The following EPM2A variants were observed in gnomAD, a reference collection of about 807,000 sequenced individuals.
EPM2A encodes laforin.
EPM2A carries 21 observed loss-of-function variants against 26.5 expected under a neutral mutation model. The ratio of observed to expected loss-of-function variants is 0.79; its 90% CI spans 0.56 to 1.14. The LOEUF (loss-of-function observed/expected upper bound fraction) is 1.14. Ranked by LOEUF, EPM2A falls within the 50% of genes most tolerant of loss-of-function variation. The pLI, the probability that EPM2A is intolerant of heterozygous loss-of-function variation, is 0.00. For missense variants in EPM2A, 458 were observed against 440.8 expected (o/e 1.04, Z -0.35); for synonymous variants, 217 against 177.6 (o/e 1.22, Z -1.76).
intron 2 of EPM2A, among the ~76,000 whole-genome samples, chr6:145,512,284 T>A (rs1368013954): frequency 1.3e-5 from 2 of 152,128 alleles, no homozygotes; most frequent in Admixed American, 1.3e-4. Context: ...ATAGCCTGAA[T>A]TGCCAAAGTA....
chr6:145,575,904 G>A (rs1226142795), intron 2 of EPM2A, among the ~76,000 whole-genome samples: 1 of 152,164 alleles, frequency 6.6e-6, no homozygotes, highest in Admixed American at 6.5e-5. Context: ...ATAGTAGTCA[G>A]TGTCCTCTAG....
chr6:145,676,383 A>G (rs1275373717), intron 2 of EPM2A, among the ~76,000 whole-genome samples: 2 of 152,202 alleles, frequency 1.3e-5, no homozygotes, highest in African/African-American at 4.8e-5. Flanking sequence ...AGCAAGAGCA[A>G]ACAAATTCAA....
intron 4 of EPM2A, among the ~76,000 whole-genome samples, chr6:145,414,640 T>A (rs1331321875): frequency 6.6e-6 from 1 of 151,938 alleles, no homozygotes; most frequent in East Asian, 2.0e-4. Flanking sequence ...AGGCAGAGAG[T>A]CCTGTGTTAA....
At chr6:145,397,891 A>C (rs1419616271) in intron 4 of EPM2A, among the ~76,000 whole-genome samples, 3 of 152,164 alleles carry the variant, frequency 2.0e-5, no homozygotes, top group Non-Finnish European at 2.9e-5. Flanking sequence ...GCCCAAGGAA[A>C]GACAACCACA....
At chr6:145,434,816 T>A (rs1778967872) in intron 4 of EPM2A, among the ~76,000 whole-genome samples, 1 of 152,130 alleles carries the variant, frequency 6.6e-6, no homozygotes, top group Non-Finnish European at 1.5e-5. Flanking sequence ...CAGTTTGGGA[T>A]TTTTCCCCTC....
At chr6:145,545,086 C>T (rs1296683604) in intron 2 of EPM2A, among the ~76,000 whole-genome samples, 1 of 152,160 alleles carries the variant, frequency 6.6e-6, no homozygotes, top group Non-Finnish European at 1.5e-5. Flanking sequence ...GAAGTCTATG[C>T]AGTTCTTTCT....
chr6:145,704,393 TATAA>T (rs1782100059), intron 1 of EPM2A, among the ~76,000 whole-genome samples: 1 of 152,184 alleles, frequency 6.6e-6, no homozygotes, highest in Admixed American at 6.5e-5. Context: ...GGAAACAGAA[TATAA>T]ATAAAGTATT....
At position 145,697,229 on chromosome 6, in the gene EPM2A, G is replaced by A. The variant is rs184819432; in HGVS notation, c.302-10933C>T. Among the ~76,000 whole-genome samples the A allele has an allele frequency of 1.2e-4, 18 of 152,168 alleles. No individual in the cohort carries two copies. In the East Asian group the frequency reaches 2.5e-3, roughly 21 times the overall value. On this transcript the variant is annotated intron_variant, in intron 1 of 3. Coordinates refer to ENST00000367519, the MANE Select transcript of EPM2A (RefSeq NM_005670.4). ...GTGTATGGGGGAGACATCACATGTC[G>A]GCAGGTTCCGTGATGCCCCCGGAGC...
chr6:145,502,611 A>C (rs1779907592), intron 2 of EPM2A: 1 of 470,548 alleles, frequency 2.1e-6, no homozygotes, highest in African/African-American at 2.0e-5. Context: ...AGCTTATTAA[A>C]ACCTGGCACA....
intron 2 of EPM2A, among the ~76,000 whole-genome samples, chr6:145,515,336 A>G (rs1315270207): frequency 2.0e-5 from 3 of 152,190 alleles, no homozygotes; most frequent in Non-Finnish European, 2.9e-5. Context: ...TGTGTAAACC[A>G]AAATTTCTAG....
chr6:145,464,651 A>G (rs1379451125), intron 4 of EPM2A, among the ~76,000 whole-genome samples: 1 of 152,054 alleles, frequency 6.6e-6, no homozygotes, highest in Non-Finnish European at 1.5e-5. Context: ...GAATTGTGGT[A>G]AATAATCTTT....
At chr6:145,428,001 T>C (rs933842120) in intron 4 of EPM2A, among the ~76,000 whole-genome samples, 3 of 151,690 alleles carry the variant, frequency 2.0e-5, no homozygotes, top group Admixed American at 1.3e-4. Context: ...TGGATATTTA[T>C]AATTATTTGT....
intron 4 of EPM2A, among the ~76,000 whole-genome samples, chr6:145,426,733 T>G (rs778776621): frequency 3.7e-4 from 57 of 152,212 alleles, no homozygotes; most frequent in Non-Finnish European, 6.8e-4. Context: ...AAATGAAATT[T>G]AATTTTTAAA....
chr6:145,538,921 A>G (rs1413368914), intron 2 of EPM2A, among the ~76,000 whole-genome samples: 1 of 152,236 alleles, frequency 6.6e-6, no homozygotes, highest in Non-Finnish European at 1.5e-5. Flanking sequence ...TACATTGCAC[A>G]GCTTTTGTTC....
chr6:145,542,051 G>A lies in EPM2A; in HGVS notation c.341-39476C>T, dbSNP rs542503488. Among the ~76,000 whole-genome samples, 4 of 151,784 alleles carry A rather than the reference G, an allele frequency of 2.6e-5. No individual in the cohort carries two copies. In the East Asian group the frequency reaches 5.8e-4, roughly 22 times the overall value. ...ATTGGAGACCAATGTGCAATTAGTAGAAAACATTATCAGACTACAATATAA... is the reference window on the plus strand; with the variant it reads ...ATTGGAGACCAATGTGCAATTAGTAAAAAACATTATCAGACTACAATATAA... On this transcript the variant is annotated intron_variant, in intron 2 of 3. Transcript: ENST00000450221.
chr6:145,625,764 G>A lies in EPM2A; in HGVS notation c.*1652C>T. 8.2e-7 allele frequency: 1 copy of A among 1,212,518 alleles called. No homozygotes were observed. The allele number at this position is 1,212,518 out of a possible 1,614,324, so 75.1% of individuals were successfully genotyped here. ...AATGTCATCTCCCCTAAGTGCCACAGTTCTATCTCCCCGTCCTCTGAGCTC... is the reference window on the plus strand; with the variant it reads ...AATGTCATCTCCCCTAAGTGCCACAATTCTATCTCCCCGTCCTCTGAGCTC... On this transcript the variant is annotated 3_prime_UTR_variant, in exon 4 of 4. Transcript: ENST00000367519.
At chr6:145,607,434 A>C (rs1486280967) in intron 2 of EPM2A, among the ~76,000 whole-genome samples, 1 of 152,150 alleles carries the variant, frequency 6.6e-6, no homozygotes, top group Non-Finnish European at 1.5e-5. Context: ...GGAGAACATA[A>C]TCAGCAACAA....
At chr6:145,616,706 C>T (rs578072339) in intron 2 of EPM2A, among the ~76,000 whole-genome samples, 19 of 152,336 alleles carry the variant, frequency 1.2e-4, no homozygotes, top group East Asian at 3.9e-4. Flanking sequence ...CTTGCATCAG[C>T]GTGACCTGGA....
chr6:145,537,581 GT>G (rs11327111), intron 2 of EPM2A, among the ~76,000 whole-genome samples: 50,501 of 133,088 alleles, frequency 0.38, 9,282 homozygotes, highest in South Asian at 0.55. Flanking sequence ...CCTACAAGAG[GT>G]TTTTTTTTTT....
Sources: gnomAD v4.1 joint callset for allele counts (sites outside exome capture counted in the v4.1 genomes callset) on GRCh38, gnomAD v4.1.1 for gene constraint, MANE v1.5 for transcripts, NCBI Gene and HGNC (gene_info 2026-07-23, HGNC 2026-07-21) for gene names.